Variants in NRXN1 observed in about 807,000 individuals in gnomAD.
The protein encoded by NRXN1 is neurexin 1.
Under a neutral mutation model 150.9 loss-of-function variants are expected in NRXN1, and 39 were observed. The observed-to-expected ratio is 0.26, with a 90% CI of 0.20 to 0.34. The LOEUF is 0.34. Ranked by LOEUF, NRXN1 falls within the 10% of genes least tolerant of loss-of-function variation. The pLI, the probability that NRXN1 is intolerant of heterozygous loss-of-function variation, is 1.00. For missense variants in NRXN1, 1,815 were observed against 1,949.9 expected (o/e 0.93, Z 1.30); for synonymous variants, 924 against 757.0 (o/e 1.22, Z -3.62).
At chr2:50,504,278 T>C (rs2092111926) in intron 13 of NRXN1, among the ~76,000 whole-genome samples, 1 of 152,142 alleles carries the variant, frequency 6.6e-6, no homozygotes, top group Admixed American at 6.6e-5. Context: ...AATAAATTGT[T>C]ATCTATGCAA....
intron 19 of NRXN1, among the ~76,000 whole-genome samples, chr2:50,072,625 C>T (rs1696466891): frequency 6.8e-6 from 1 of 147,548 alleles, no homozygotes; most frequent in African/African-American, 2.5e-5. Flanking sequence ...AAAACAGCAA[C>T]TTTCACTGTT....
At chr2:50,150,517 A>G (rs2058634959) in intron 18 of NRXN1, among the ~76,000 whole-genome samples, 2 of 151,810 alleles carry the variant, frequency 1.3e-5, no homozygotes, top group Admixed American at 6.6e-5. Flanking sequence ...AAGCAAAAGT[A>G]TATTACTGCT....
At chr2:50,144,168 G>C (rs1284515968) in intron 18 of NRXN1, among the ~76,000 whole-genome samples, 2 of 151,890 alleles carry the variant, frequency 1.3e-5, no homozygotes, top group African/African-American at 4.8e-5. Flanking sequence ...CCAGGAGACA[G>C]TTTTGGGATC....
intron 17 of NRXN1, among the ~76,000 whole-genome samples, chr2:50,440,130 A>T (rs146553357): frequency 1.3e-5 from 2 of 152,280 alleles, no homozygotes; most frequent in African/African-American, 4.8e-5. Context: ...GGATAGCAGG[A>T]TATTCCAGTG....
intron 17 of NRXN1, among the ~76,000 whole-genome samples, chr2:50,253,624 G>C (rs1302413007): frequency 6.6e-6 from 1 of 152,102 alleles, no homozygotes; most frequent in Non-Finnish European, 1.5e-5. Context: ...AACGTAAAGG[G>C]ATGCTGAATT....
chr2:49,930,424 G>T (rs1669927787), intron 22 of NRXN1, among the ~76,000 whole-genome samples: 1 of 152,118 alleles, frequency 6.6e-6, no homozygotes, highest in South Asian at 2.1e-4. Context: ...CAACCTAACA[G>T]AAGTATGGAG....
At chr2:50,759,962 C>T (rs1701611208) in intron 5 of NRXN1, among the ~76,000 whole-genome samples, 3 of 151,578 alleles carry the variant, frequency 2.0e-5, no homozygotes, top group South Asian at 4.2e-4. Context: ...CAGGTGTTAT[C>T]CACTGATCAA....
At chr2:50,265,978 T>A (rs957126314) in intron 17 of NRXN1, among the ~76,000 whole-genome samples, 1 of 93,460 alleles carries the variant, frequency 1.1e-5, no homozygotes, top group Non-Finnish European at 2.1e-5. Context: ...ATTATTATTA[T>A]TATTATTATT....
intron 17 of NRXN1, among the ~76,000 whole-genome samples, chr2:50,284,757 T>C (rs749098862): frequency 3.9e-5 from 6 of 152,198 alleles, no homozygotes; most frequent in Admixed American, 6.6e-5. Flanking sequence ...ATTTAAAAAA[T>C]TGTCATACAA....
intron 18 of NRXN1, among the ~76,000 whole-genome samples, chr2:50,141,435 G>A (rs191802874): frequency 1.3e-5 from 2 of 151,680 alleles, no homozygotes; most frequent in African/African-American, 4.8e-5. Context: ...GAAACACAGG[G>A]AACAAAAACA....
intron 5 of NRXN1, among the ~76,000 whole-genome samples, chr2:50,920,816 T>C (rs1459074904): frequency 6.6e-6 from 1 of 151,832 alleles, no homozygotes; most frequent in African/African-American, 2.4e-5. Flanking sequence ...TAACCTATGT[T>C]GTTGGATCAA....
rs182539528 is a variant in NRXN1 at position 50,572,744 on chromosome 2, A to T, written c.1321-19719T>A. The stretch of plus-strand genomic sequence containing the variant: ...CAACCTCTGAGAACGAAAAGGCCAG[A>T]GAATTAGAAGTTAATAAAACTTACT... On this transcript the variant is annotated intron_variant, in intron 8 of 22. Coordinates refer to ENST00000401669, the MANE Select transcript of NRXN1 (RefSeq NM_001330078.2). Among the ~76,000 whole-genome samples, 8 of 152,368 alleles carry T rather than the reference A, an allele frequency of 5.3e-5. No homozygotes were observed. In the East Asian group the frequency reaches 1.5e-3, roughly 29 times the overall value.
chr2:50,944,980 C>T (rs763941939), intron 2 of NRXN1, among the ~76,000 whole-genome samples: 7 of 152,142 alleles, frequency 4.6e-5, no homozygotes, highest in African/African-American at 1.7e-4. Context: ...CCATTACATA[C>T]TATAAACTCA....
chr2:50,740,648 T>C (rs1310685506), intron 5 of NRXN1, among the ~76,000 whole-genome samples: 1 of 152,206 alleles, frequency 6.6e-6, no homozygotes, highest in East Asian at 1.9e-4. Context: ...AATAAAATGT[T>C]AATGCTGATT....
chr2:50,216,831 C>G (rs1015135587), intron 18 of NRXN1, among the ~76,000 whole-genome samples: 2 of 152,034 alleles, frequency 1.3e-5, no homozygotes, highest in African/African-American at 2.4e-5. Flanking sequence ...AAACATGCAC[C>G]TGCCATCCTC....
intron 18 of NRXN1, among the ~76,000 whole-genome samples, chr2:50,148,473 T>C (rs1428946370): frequency 1.3e-5 from 2 of 151,690 alleles, no homozygotes; most frequent in African/African-American, 4.8e-5. Flanking sequence ...AAACAAAGTC[T>C]AATTTCTCCA....
At chr2:50,912,803 A>G (rs1684713855) in intron 5 of NRXN1, 4 of 151,412 alleles carry the variant, frequency 2.6e-5, no homozygotes, top group East Asian at 3.9e-4. Context: ...AAAAAGAAAT[A>G]AACTGGAACC....
At chr2:50,281,939 C>T (rs115188197) in intron 17 of NRXN1, among the ~76,000 whole-genome samples, 1,843 of 152,206 alleles carry the variant, frequency 0.012, 34 homozygotes, top group African/African-American at 0.042. Flanking sequence ...TATATTTGGT[C>T]TTGAGAAAAA....
chr2:50,275,983 C>G (rs1260388691), intron 17 of NRXN1, among the ~76,000 whole-genome samples: 2 of 76,014 alleles, frequency 2.6e-5, no homozygotes, highest in African/African-American at 4.8e-5. Context: ...CCATTCCTAC[C>G]TTGCAAAAAA....
Sources: allele counts gnomAD v4.1 joint callset (sites outside exome capture counted in the v4.1 genomes callset), GRCh38; gene constraint gnomAD v4.1.1; transcripts MANE v1.5; gene names NCBI Gene and HGNC (gene_info 2026-07-23, HGNC 2026-07-21).